Variants in KCNG2 observed in about 807,000 individuals in gnomAD.
KCNG2 encodes the protein potassium voltage-gated channel modifier subfamily G member 2, also known as voltage-gated potassium channel regulatory subunit KCNG2.
Under a neutral mutation model 12.3 loss-of-function variants are expected in KCNG2, and 7 were observed. The observed-to-expected ratio is 0.57, with a 90% CI of 0.32 to 1.07. The LOEUF is 1.07. Among genes scored for constraint, KCNG2 ranks in the 50% least tolerant of loss-of-function variants. KCNG2 has a pLI of 0.04. For synonymous variants in KCNG2, 414 were observed against 351.4 expected (o/e 1.18, Z -1.99); for missense variants, 703 against 726.0 (o/e 0.97, Z 0.36).
chr18:79,830,942 G>T (rs11876501), intron 1 of KCNG2, among the ~76,000 whole-genome samples: 417 of 39,372 alleles, frequency 0.011, no homozygotes, highest in African/African-American at 0.03. Context: ...GTTCCCTGCG[G>T]ACAGAGCCTT....
rs1683513249 is a variant in KCNG2 at position 79,841,934 on chromosome 18, T to C, written c.-114-14445T>C. Among the ~76,000 whole-genome samples the C allele has an allele frequency of 1.3e-5, 2 of 152,148 alleles. 1 individual carries two copies. The highest frequency in any genetic ancestry group is 4.1e-4 in the South Asian group (2 of 4,826). On this transcript the variant is annotated intron_variant, in intron 1 of 3. Transcript: ENST00000316249. Reference sequence around the variant, plus strand: ...TCCACATAGCACAATATGGAGATACTCTCCACATGGAAGGAGAACGAAGCG... The same window carrying C: ...TCCACATAGCACAATATGGAGATACCCTCCACATGGAAGGAGAACGAAGCG...
rs114471441 is a variant in KCNG2 at position 79,819,179 on chromosome 18, C to A, written c.-115+21165C>A. Among the ~76,000 whole-genome samples, 407 of 152,308 alleles carry A rather than the reference C, an allele frequency of 2.7e-3. 1 individual carries two copies. The highest frequency in any genetic ancestry group is 8.9e-3 in the African/African-American group (369 of 41,570). On this transcript the variant is annotated intron_variant, in intron 1 of 3. Transcript: ENST00000316249. ...GACCCCTCTCACTGCTCACCAAGGCCGGCGAGGGCACCCAGGACGTGTCAG... is the reference window on the plus strand; with the variant it reads ...GACCCCTCTCACTGCTCACCAAGGCAGGCGAGGGCACCCAGGACGTGTCAG...
chr18:79,882,027 CT>C (rs1980316419), intron 3 of KCNG2, among the ~76,000 whole-genome samples: 1 of 152,130 alleles, frequency 6.6e-6, no homozygotes, highest in Non-Finnish European at 1.5e-5. Context: ...CAACCCATGC[CT>C]TACGTTTTAT....
chr18:79,896,624 C>T (rs141376240), intron 3 of KCNG2, among the ~76,000 whole-genome samples: 284 of 152,244 alleles, frequency 1.9e-3, no homozygotes, highest in Middle Eastern at 0.014. Flanking sequence ...TGTTCAAATC[C>T]GTTAAAAAAT....
chr18:79,864,865 T>C (rs1295063877), intron 3 of KCNG2, among the ~76,000 whole-genome samples: 7 of 108,100 alleles, frequency 6.5e-5, no homozygotes, highest in South Asian at 3.3e-4. Context: ...GTGCTGAGGT[T>C]TGGGTGCTGA....
chr18:79,808,193 G>A lies in KCNG2; in HGVS notation c.-115+10179G>A, dbSNP rs369940000. Among the ~76,000 whole-genome samples the A allele has an allele frequency of 4.5e-5, 4 of 88,668 alleles. No individual in the cohort carries two copies. The East Asian group carries it at 1.9e-3, about 42-fold the overall frequency. 58.2% of individuals were successfully genotyped at this position (88,668 alleles called of 152,430 possible). On this transcript the variant is annotated intron_variant, in intron 1 of 3. Transcript: ENST00000316249. ...GGGCCCAGAGTCCTCGCCCTGAGGA[G>A]CTGCCGGGGCCTCGCTGACCACACT...
chr18:79,816,208 T>A (rs2087526581), intron 1 of KCNG2: 1 of 152,262 alleles, frequency 6.6e-6, no homozygotes, highest in Admixed American at 6.5e-5. Flanking sequence ...AGGGACTCTG[T>A]GGCATTTCGG....
chr18:79,862,493 G>C (rs1979258648), intron 2 of KCNG2, among the ~76,000 whole-genome samples: 1 of 152,186 alleles, frequency 6.6e-6, no homozygotes, highest in Non-Finnish European at 1.5e-5. Flanking sequence ...TCAAGCCTCT[G>C]TCTTATCACC....
rs1027188375 is a variant in KCNG2, at chr18:79,884,577, C to T, written c.625-14463C>T. Among the ~76,000 whole-genome samples the T allele has an allele frequency of 5.9e-5, 9 of 152,210 alleles. No homozygotes were observed. Among genetic ancestry groups the T allele is most frequent in the African/African-American group, 1.9e-4 (8 of 41,460 alleles). On this transcript the variant is annotated intron_variant, in intron 3 of 3. Transcript: ENST00000316249. This position sits in a 1 kb window ranked among gnomAD's most constrained non-coding sequence, Gnocchi z 5.5. Reference sequence around the variant, plus strand: ...GCCTGGGCCTGGGCGTGGCAGCTCCCCAGGCCCACGGGGCAGGAATTCTAG... The same window carrying T: ...GCCTGGGCCTGGGCGTGGCAGCTCCTCAGGCCCACGGGGCAGGAATTCTAG...
chr18:79,899,655 G>A lies in KCNG2; in HGVS notation c.1240G>A (p.Glu414Lys), dbSNP rs200115509. 249 of 1,606,844 alleles carry A rather than the reference G, an allele frequency of 1.5e-4. 1 individual carries two copies. The highest frequency in any genetic ancestry group is 1.4e-5 in the Non-Finnish European group (16 of 1,177,334). The change falls in exon 4 of 4, where the codon GAG becomes AAG. Residue 414 changes from glutamate to lysine, a missense_variant. Coordinates refer to ENST00000316249, the MANE Select transcript of KCNG2 (RefSeq NM_012283.2). The stretch of plus-strand genomic sequence containing the variant: ...CCACACCTTTTCGCGCTCCTACTCC[G>A]AGCTCAAGGAGCAGCAGCAGCGCGC... ...IFHTFSRSYS[E>K]LKEQQQRAAS... is the part of the protein sequence containing the mutation.
At chr18:79,873,427 C>T (rs1350452796) in intron 3 of KCNG2, among the ~76,000 whole-genome samples, 2 of 90,020 alleles carry the variant, frequency 2.2e-5, no homozygotes, top group Non-Finnish European at 4.9e-5. Context: ...CGGCCCCCCT[C>T]CCCCCCCCCC....
At chr18:79,826,350 T>G (rs12457472) in intron 1 of KCNG2, among the ~76,000 whole-genome samples, 14,139 of 152,314 alleles carry the variant, frequency 0.093, 1,067 homozygotes, top group South Asian at 0.3. Flanking sequence ...GCGCTTCAGG[T>G]ACGGCGCCCG....
chr18:79,801,536 C>T (rs541191284), intron 1 of KCNG2, among the ~76,000 whole-genome samples: 2 of 152,370 alleles, frequency 1.3e-5, no homozygotes, highest in East Asian at 3.9e-4. Flanking sequence ...AGGCAGTTCC[C>T]AGAGTTTAAT....
intron 3 of KCNG2, among the ~76,000 whole-genome samples, chr18:79,895,950 T>G (rs578225968): frequency 5.3e-4 from 81 of 152,348 alleles, no homozygotes; most frequent in Admixed American, 4.0e-3. Context: ...GCATTTTAAT[T>G]CCACTAATTA....
chr18:79,833,955 G>A (rs1442160026), intron 1 of KCNG2, among the ~76,000 whole-genome samples: 1 of 152,244 alleles, frequency 6.6e-6, no homozygotes, highest in African/African-American at 2.4e-5. Flanking sequence ...GATGCTCTGG[G>A]CAGCACAGCT....
chr18:79,813,107 A>G (rs2087504618), intron 1 of KCNG2, among the ~76,000 whole-genome samples: 1 of 152,234 alleles, frequency 6.6e-6, no homozygotes, highest in Non-Finnish European at 1.5e-5. Flanking sequence ...GTGAGCCGAG[A>G]TCGCGCCATT....
chr18:79,881,259 A>G (rs1021222526), intron 3 of KCNG2, among the ~76,000 whole-genome samples: 1 of 152,096 alleles, frequency 6.6e-6, no homozygotes, highest in Non-Finnish European at 1.5e-5. Context: ...AGGACTGCCT[A>G]TGTAGAAACA....
In KCNG2 at chr18:79,890,443, G is replaced by A. The variant is rs527894223; in HGVS notation, c.625-8597G>A. Among the ~76,000 whole-genome samples, 7 of 152,260 alleles carry A rather than the reference G, an allele frequency of 4.6e-5. No homozygotes were observed. The East Asian group carries it at 5.8e-4, about 13-fold the overall frequency. On this transcript the variant is annotated intron_variant, in intron 3 of 3. Transcript: ENST00000316249. Reference sequence around the variant, plus strand: ...CACCCAGGTACCAAGCACAGCACCCGACAGCACGTTTCCAGCCTTTGCCCC... The same window carrying A: ...CACCCAGGTACCAAGCACAGCACCCAACAGCACGTTTCCAGCCTTTGCCCC...
At chr18:79,807,003 A>T (rs942639624) in intron 1 of KCNG2, among the ~76,000 whole-genome samples, 3 of 152,086 alleles carry the variant, frequency 2.0e-5, no homozygotes, top group Admixed American at 6.5e-5. Context: ...ATCTTTCTTC[A>T]TGTTTAAATG....
Sources: gnomAD v4.1 joint callset for allele counts (sites outside exome capture counted in the v4.1 genomes callset) on GRCh38, gnomAD v4.1.1 for gene constraint, Gnocchi (gnomAD v3.1) non-coding constraint, MANE v1.5 for transcripts, NCBI Gene and HGNC (gene_info 2026-07-23, HGNC 2026-07-21) for gene names.